GSG1L: variants seen among roughly 807,000 people sequenced by gnomAD.
GSG1L encodes GSG1 like.
GSG1L carries 24 observed loss-of-function variants against 42.1 expected under a neutral mutation model. That is an observed-to-expected ratio of 0.57 (90% CI 0.41 to 0.80). The LOEUF (loss-of-function observed/expected upper bound fraction) is 0.80. GSG1L is among the 30% of genes least tolerant of loss of function. The probability of loss-of-function intolerance (pLI) is 0.00; values close to 1 mark genes in which losing one functional copy is unlikely to be tolerated. For synonymous variants in GSG1L, 215 were observed against 203.5 expected (o/e 1.06, Z -0.48); for missense variants, 445 against 472.2 (o/e 0.94, Z 0.53).
chr16:27,878,491 C>T (rs766940300), intron 3 of GSG1L, among the ~76,000 whole-genome samples: 4 of 152,178 alleles, frequency 2.6e-5, no homozygotes, highest in Non-Finnish European at 4.4e-5. Context: ...TATCTGGTCC[C>T]GCCCTTAACA....
At chr16:28,052,138 AG>A (rs1401173800) in intron 1 of GSG1L, among the ~76,000 whole-genome samples, 5 of 151,984 alleles carry the variant, frequency 3.3e-5, no homozygotes, top group African/African-American at 1.2e-4. Context: ...GATGACTCCA[AG>A]GTCTTTTGCC....
intron 2 of GSG1L, among the ~76,000 whole-genome samples, chr16:27,910,545 A>T (rs909475943): frequency 6.6e-6 from 1 of 152,228 alleles, no homozygotes; most frequent in African/African-American, 2.4e-5. Flanking sequence ...GGTTTGAACC[A>T]GGCCACTTGA....
At chr16:27,901,857 C>T (rs532473760) in intron 2 of GSG1L, among the ~76,000 whole-genome samples, 1 of 152,254 alleles carries the variant, frequency 6.6e-6, no homozygotes, top group East Asian at 1.9e-4. Flanking sequence ...TCCCTCCACA[C>T]TCCAGCCTCA....
chr16:27,791,336 G>T lies in GSG1L; in HGVS notation c.*34C>A, dbSNP rs756997023. 55 of 1,301,866 alleles carry T rather than the reference G, an allele frequency of 4.2e-5. No individual in the cohort carries two copies. Among genetic ancestry groups the T allele is most frequent in the Non-Finnish European group, 5.3e-5 (53 of 991,618 alleles). 80.6% of individuals were successfully genotyped at this position (1,301,866 alleles called of 1,614,324 possible). ...TGCAGCAGGGGCTGGTGCCAGCGATGGCCTGAGGTCCGCGGGCCAGGTTGA... is the reference window on the plus strand; with the variant it reads ...TGCAGCAGGGGCTGGTGCCAGCGATTGCCTGAGGTCCGCGGGCCAGGTTGA... On this transcript the variant is annotated 3_prime_UTR_variant, in exon 7 of 7. Coordinates refer to ENST00000447459, the MANE Select transcript of GSG1L (RefSeq NM_001109763.2).
chr16:27,827,048 C>T (rs1310928127), intron 5 of GSG1L, among the ~76,000 whole-genome samples: 2 of 152,214 alleles, frequency 1.3e-5, no homozygotes, highest in East Asian at 3.8e-4. Context: ...CACTGTGCAA[C>T]CTTACATAAG....
At position 27,946,614 on chromosome 16, in the gene GSG1L, AGAGAGAG is replaced by A. The variant is rs2084869313; in HGVS notation, c.397+16535_397+16541del. On this transcript the variant is annotated intron_variant, in intron 2 of 6. Coordinates refer to ENST00000447459, the MANE Select transcript of GSG1L (RefSeq NM_001109763.2). ...GAGAGAGAGAGAGAGAGAGAGAGAG[AGAGAGAG>A]AGAGAGAGAGAAAGAAAGAAAGAAA... Among the ~76,000 whole-genome samples, 13 of 15,158 alleles carry A rather than the reference AGAGAGAG, an allele frequency of 8.6e-4. 1 individual carries two copies. The highest frequency in any genetic ancestry group is 2.7e-3 in the African/African-American group (11 of 4,072). 9.9% of individuals were successfully genotyped at this position (15,158 alleles called of 152,430 possible).
intron 2 of GSG1L, among the ~76,000 whole-genome samples, chr16:27,926,051 C>T (rs558724132): frequency 2.6e-5 from 4 of 152,222 alleles, no homozygotes; most frequent in African/African-American, 7.2e-5. Context: ...TTAATTGAGG[C>T]GGGGCTTCTA....
chr16:28,063,283 C>T lies in GSG1L; in HGVS notation c.142G>A (p.Gly48Arg). ...CCCGAGTTGGGGCAGTTGGCGCGCC[C>T]GCCCTGGCCGCAGCCCGGCTTGGGG... is the stretch of plus-strand genomic sequence containing the variant. ...RVPKPGCGQG[G>R]RANCPNSGAN... Residue 48 changes from glycine to arginine, a missense_variant, in exon 1 of 7, where the codon GGG becomes AGG. Gly to Arg is a moderately radical substitution (Grantham distance 125). Coordinates refer to ENST00000447459, the MANE Select transcript of GSG1L (RefSeq NM_001109763.2). This position sits in a 1 kb window ranked among gnomAD's most constrained non-coding sequence, Gnocchi z 5.8. 1 of 1,372,710 alleles carries T rather than the reference C, an allele frequency of 7.3e-7. No homozygotes were observed. The highest frequency in any genetic ancestry group is 9.5e-7 in the Non-Finnish European group (1 of 1,053,922). 85.0% of individuals were successfully genotyped at this position (1,372,710 alleles called of 1,614,324 possible).
chr16:27,829,434 T>C (rs2083251754), intron 4 of GSG1L, among the ~76,000 whole-genome samples: 1 of 152,100 alleles, frequency 6.6e-6, no homozygotes, highest in African/African-American at 2.4e-5. Context: ...GAGTTGGTGA[T>C]GGGGAAGGAG....
intron 1 of GSG1L, among the ~76,000 whole-genome samples, chr16:28,006,295 T>TTTTATTTATTTATTTATTTA (rs55673236): frequency 2.2e-4 from 33 of 148,968 alleles, no homozygotes; most frequent in Non-Finnish European, 3.3e-4. Flanking sequence ...CTTGATTGTA[T>TTTTATTTATTTATTTATTTA]TTTATTTATT....
At chr16:27,873,652 C>A (rs1345386018) in intron 3 of GSG1L, among the ~76,000 whole-genome samples, 1 of 152,184 alleles carries the variant, frequency 6.6e-6, no homozygotes, top group African/African-American at 2.4e-5. Context: ...GAAGATAAAT[C>A]TTCTACCAGC....
chr16:27,887,977 A>C (rs1225361774), intron 2 of GSG1L: 17 of 506,298 alleles, frequency 3.4e-5, no homozygotes, highest in Non-Finnish European at 4.3e-5. Flanking sequence ...AGCGGGGAGC[A>C]AAGCAGGAAA....
At chr16:27,958,356 G>A (rs1214811763) in intron 2 of GSG1L, among the ~76,000 whole-genome samples, 1 of 144,882 alleles carries the variant, frequency 6.9e-6, no homozygotes, top group Non-Finnish European at 1.5e-5. Context: ...AGTGAGCCGA[G>A]ATCATGCCAC....
intron 1 of GSG1L, among the ~76,000 whole-genome samples, chr16:27,987,939 C>A (rs2085405546): frequency 1.1e-5 from 1 of 94,512 alleles, no homozygotes; most frequent in South Asian, 5.4e-4. Context: ...GAGCAAGACT[C>A]CGTCTCAAAA....
At chr16:27,924,276 CTA>C (rs1334521096) in intron 2 of GSG1L, among the ~76,000 whole-genome samples, 1 of 151,592 alleles carries the variant, frequency 6.6e-6, no homozygotes, top group African/African-American at 2.4e-5. Context: ...TATTTATGTA[CTA>C]TATAGAATAT....
At chr16:28,018,630 A>G (rs1053696256) in intron 1 of GSG1L, among the ~76,000 whole-genome samples, 2 of 152,134 alleles carry the variant, frequency 1.3e-5, no homozygotes, top group Admixed American at 6.5e-5. Flanking sequence ...GACAAGGAAG[A>G]ATAACAAGAA....
chr16:27,863,224 A>G (rs924001282), intron 3 of GSG1L: 2 of 152,120 alleles, frequency 1.3e-5, no homozygotes, highest in Non-Finnish European at 2.9e-5. Flanking sequence ...TTGCTCCCTT[A>G]TAATTTTTGG....
intron 2 of GSG1L, among the ~76,000 whole-genome samples, chr16:27,919,623 A>C (rs1298799932): frequency 6.6e-6 from 1 of 152,218 alleles, no homozygotes; most frequent in Non-Finnish European, 1.5e-5. Flanking sequence ...GCAGCCAAGA[A>C]GATGGAAAAC....
chr16:27,801,404 C>A (rs536144329), intron 6 of GSG1L, among the ~76,000 whole-genome samples: 1 of 152,328 alleles, frequency 6.6e-6, no homozygotes, highest in East Asian at 1.9e-4. Context: ...TTAGCACAGA[C>A]CTGCACACAG....
Sources: allele counts gnomAD v4.1 joint callset (sites outside exome capture counted in the v4.1 genomes callset), GRCh38; gene constraint gnomAD v4.1.1; non-coding constraint Gnocchi (gnomAD v3.1); transcripts MANE v1.5; gene names NCBI Gene and HGNC (gene_info 2026-07-23, HGNC 2026-07-21).